XYLT1: variants seen among roughly 807,000 people sequenced by gnomAD.
XYLT1 encodes beta-D-xylosyltransferase 1.
In XYLT1, 36 loss-of-function variants were observed where a neutral mutation model predicts 91.3. The observed-to-expected ratio is 0.39, with a 90% CI of 0.30 to 0.52. The LOEUF is 0.52. Ranked by LOEUF, XYLT1 falls within the 20% of genes least tolerant of loss-of-function variation. The pLI, the probability that XYLT1 is intolerant of heterozygous loss-of-function variation, is 0.68. For synonymous variants in XYLT1, 588 were observed against 532.0 expected (o/e 1.11, Z -1.45); for missense variants, 1,242 against 1,284.5 (o/e 0.97, Z 0.51).
chr16:17,166,432 C>T (rs537369037), intron 5 of XYLT1, among the ~76,000 whole-genome samples: 5 of 152,000 alleles, frequency 3.3e-5, no homozygotes, highest in African/African-American at 9.7e-5. Context: ...AGTAGAGGCC[C>T]GGTATGCAGG....
chr16:17,238,330 G>T (rs1017430259), intron 3 of XYLT1, among the ~76,000 whole-genome samples: 1 of 152,134 alleles, frequency 6.6e-6, no homozygotes, highest in East Asian at 1.9e-4. Flanking sequence ...ATATTAGGTT[G>T]GTGCAAAAGT....
At chr16:17,305,900 G>A (rs191893471) in intron 2 of XYLT1, among the ~76,000 whole-genome samples, 37 of 152,162 alleles carry the variant, frequency 2.4e-4, no homozygotes, top group Admixed American at 1.8e-3. Context: ...GTCCCTGTGG[G>A]GGCAGTCACT....
intron 1 of XYLT1, 114 bp downstream of exon 1, chr16:17,470,320 G>C (rs1208944041): frequency 1.7e-6 from 2 of 1,163,198 alleles, no homozygotes; most frequent in East Asian, 3.4e-5. Flanking sequence ...ATGTGGAGTC[G>C]GTAGGCTTGC....
intron 5 of XYLT1, among the ~76,000 whole-genome samples, chr16:17,170,222 T>C (rs2031792362): frequency 6.6e-6 from 1 of 152,216 alleles, no homozygotes; most frequent in African/African-American, 2.4e-5. Context: ...GAAAGGCATG[T>C]CCACCCCTTG....
chr16:17,273,758 C>T (rs1190815478), intron 2 of XYLT1, among the ~76,000 whole-genome samples: 1 of 149,798 alleles, frequency 6.7e-6, no homozygotes, highest in Non-Finnish European at 1.5e-5. Context: ...GCAGAAGGAT[C>T]GCTTGAACCC....
At chr16:17,452,305 C>CTTTTTTTTTTTTTTTTTTTTTTT (rs35177574) in intron 1 of XYLT1, among the ~76,000 whole-genome samples, 2 of 131,676 alleles carry the variant, frequency 1.5e-5, no homozygotes, top group African/African-American at 2.9e-5. Context: ...CAGTTTTTTT[C>CTTTTTTTTTTTTTTTTTTTTTTT]TTTTTTTTTT....
intron 11 of XYLT1, among the ~76,000 whole-genome samples, chr16:17,112,718 G>A (rs1966844562): frequency 6.6e-6 from 1 of 152,134 alleles, no homozygotes; most frequent in Admixed American, 6.5e-5. Flanking sequence ...CTTTTGCCTG[G>A]TTCATGGGGA....
In XYLT1 at chr16:17,117,685, C is replaced by G; in HGVS notation, c.2518G>C (p.Ala840Pro). 6.2e-7 allele frequency: 1 copy of G among 1,614,044 alleles called. No homozygotes were observed. Among genetic ancestry groups the G allele is most frequent in the South Asian group, 1.1e-5 (1 of 91,074 alleles). Residue 840 changes from alanine to proline, a missense_variant, in exon 11 of 12, where the codon GCG (alanine) becomes CCG (proline). Ala to Pro is a conservative substitution (Grantham distance 27, BLOSUM62 -1). This residue lies in a region of XYLT1 where 511 missense variants were observed against 497.0 expected (regional missense o/e 1.03). Coordinates refer to ENST00000261381, the MANE Select transcript of XYLT1 (RefSeq NM_022166.4). ...VPVAETKFLVAPLTFSNRQPI... is the reference protein window; with the variant it reads ...VPVAETKFLVPPLTFSNRQPI... The stretch of plus-strand genomic sequence containing the variant: ...TGCCTGTTCGAGAAGGTCAGAGGCG[C>G]AACGAGGAATTTGGTCTCTGCAACT...
At chr16:17,430,389 G>C (rs1178743827) in intron 1 of XYLT1, among the ~76,000 whole-genome samples, 1 of 152,160 alleles carries the variant, frequency 6.6e-6, no homozygotes, top group Non-Finnish European at 1.5e-5. Context: ...AATCTGAAAA[G>C]ATCCAGAATG....
Position 17,129,072 on chromosome 16 carries a change from GAAAAAAAAAAAAAA to G in XYLT1, c.2028-1225_2028-1212del, listed in dbSNP as rs34234422. ...ACTGGGATGCCTTCCAGGGAGCATAGAAAAAAAAAAAAAAAAAAAAAAAAACTTGAACAGTCTTC... is the reference window on the plus strand; with the variant it reads ...ACTGGGATGCCTTCCAGGGAGCATAGAAAAAAAAAAACTTGAACAGTCTTC... On this transcript the variant is annotated intron_variant, in intron 9 of 11. Coordinates refer to ENST00000261381, the MANE Select transcript of XYLT1 (RefSeq NM_022166.4). 7.3e-3 allele frequency among the ~76,000 whole-genome samples: 696 copies of G among 95,260 alleles called. 7 individuals are homozygous for G. Among genetic ancestry groups the G allele is most frequent in the African/African-American group, 0.029 (645 of 22,576 alleles). 62.5% of individuals were successfully genotyped at this position (95,260 alleles called of 152,430 possible). A position where few individuals can be genotyped will look rare whatever the true frequency, so the allele number is the denominator to read the frequency against.
At chr16:17,164,544 A>G (rs1374794762) in intron 5 of XYLT1, among the ~76,000 whole-genome samples, 2 of 152,142 alleles carry the variant, frequency 1.3e-5, no homozygotes, top group Non-Finnish European at 2.9e-5. Context: ...TCTCTTCTAT[A>G]GCCCCTGGCA....
chr16:17,209,483 A>G (rs906163322), intron 3 of XYLT1, among the ~76,000 whole-genome samples: 22 of 152,182 alleles, frequency 1.4e-4, no homozygotes, highest in African/African-American at 4.3e-4. Context: ...TACCTGTTTG[A>G]GTCACTGTTT....
intron 1 of XYLT1, among the ~76,000 whole-genome samples, chr16:17,375,503 C>CACACACACACACACACACACAG (rs1186558257): frequency 6.6e-6 from 1 of 151,838 alleles, no homozygotes; most frequent in Non-Finnish European, 1.5e-5. Context: ...CACACACACA[C>CACACACACACACACACACACAG]AGAAAAGATT....
chr16:17,463,198 C>T (rs2141961559), intron 1 of XYLT1, among the ~76,000 whole-genome samples: 1 of 152,176 alleles, frequency 6.6e-6, no homozygotes, highest in South Asian at 2.1e-4. Flanking sequence ...ACCACAAAAG[C>T]ACAGGCAACA....
rs375958189 is a variant in XYLT1, at chr16:17,141,120, A to G, written c.1587+33T>C. 7.6e-5 allele frequency: 122 copies of G among 1,605,532 alleles called. No individual in the cohort carries two copies. The African/African-American group carries it at 1.1e-3, about 14-fold the overall frequency. ...GCCACAAAGGCTAGAACAAGCCCCTATCTTTCTTGGGAAAATTTTCCCAGA... is the reference window on the plus strand; with the variant it reads ...GCCACAAAGGCTAGAACAAGCCCCTGTCTTTCTTGGGAAAATTTTCCCAGA... On this transcript the variant is annotated intron_variant, in intron 7 of 11. Coordinates refer to ENST00000261381, the MANE Select transcript of XYLT1 (RefSeq NM_022166.4).
intron 8 of XYLT1, among the ~76,000 whole-genome samples, chr16:17,138,047 T>TGAG (rs1555481525): frequency 3.3e-4 from 50 of 151,878 alleles, no homozygotes; most frequent in Non-Finnish European, 6.5e-4. Flanking sequence ...GAAGATGATA[T>TGAG]GAGTATGGCC....
At chr16:17,413,153 G>A (rs1189155308) in intron 1 of XYLT1, among the ~76,000 whole-genome samples, 3 of 152,164 alleles carry the variant, frequency 2.0e-5, no homozygotes, top group Non-Finnish European at 4.4e-5. Flanking sequence ...CCAAAGAGAG[G>A]TATGGCCACA....
chr16:17,430,740 G>A (rs1052978639), intron 1 of XYLT1, among the ~76,000 whole-genome samples: 1 of 152,010 alleles, frequency 6.6e-6, no homozygotes, highest in Non-Finnish European at 1.5e-5. Flanking sequence ...CCCCTTGCTT[G>A]CAAAAAATAA....
chr16:17,337,327 A>G (rs1289268005), intron 2 of XYLT1, among the ~76,000 whole-genome samples: 2 of 152,124 alleles, frequency 1.3e-5, no homozygotes, highest in Non-Finnish European at 2.9e-5. Context: ...AGCTGGAACT[A>G]TAAGCACATG....
Sources: gnomAD v4.1 joint callset for allele counts (sites outside exome capture counted in the v4.1 genomes callset) on GRCh38, gnomAD v4.1.1 for gene constraint, gnomAD v4.1.1 regional missense constraint, MANE v1.5 for transcripts, NCBI Gene and HGNC (gene_info 2026-07-23, HGNC 2026-07-21) for gene names.